The following TENM3 variants were observed in gnomAD, a reference collection of about 807,000 sequenced individuals.
The protein encoded by TENM3 is teneurin-3.
A neutral mutation model predicts 255.1 loss-of-function variants in TENM3; 63 were observed. The observed-to-expected ratio is 0.25, with a 90% confidence interval of 0.20 to 0.30. TENM3 has a LOEUF of 0.30. Among genes scored for constraint, TENM3 ranks in the 10% least tolerant of loss-of-function variants. The probability of loss-of-function intolerance (pLI) is 1.00; values close to 1 mark genes in which losing one functional copy is unlikely to be tolerated. For missense variants in TENM3, 2,929 were observed against 3,461.1 expected (o/e 0.85, Z 3.86); for synonymous variants, 1,306 against 1,322.3 (o/e 0.99, Z 0.27).
intron 3 of TENM3, among the ~76,000 whole-genome samples, chr4:182,390,406 G>A (rs1203864228): frequency 6.6e-6 from 1 of 152,128 alleles, no homozygotes; most frequent in East Asian, 1.9e-4. Flanking sequence ...CCTTTTTGTT[G>A]TGGTGGTTGT....
chr4:182,676,001 G>T (rs926744545), intron 7 of TENM3, among the ~76,000 whole-genome samples: 1 of 152,148 alleles, frequency 6.6e-6, no homozygotes, highest in Non-Finnish European at 1.5e-5. Context: ...GTTTCTTCCT[G>T]TGGTTTATTC....
the TENM3 span, among the ~76,000 whole-genome samples, chr4:182,026,116 T>C: frequency 4.8e-3 from 724 of 152,296 alleles, 3 homozygotes; most frequent in Non-Finnish European, 7.2e-3. Context: ...GAGAATGTGG[T>C]TTCCAGCTTC....
chr4:182,072,157 C>T, the TENM3 span, among the ~76,000 whole-genome samples: 2 of 152,220 alleles, frequency 1.3e-5, no homozygotes, highest in African/African-American at 4.8e-5. Flanking sequence ...TACTGCTTAA[C>T]TGCCTTGTGG....
intron 3 of TENM3, among the ~76,000 whole-genome samples, chr4:182,418,459 G>A (rs561038714): frequency 3.3e-5 from 5 of 152,158 alleles, no homozygotes; most frequent in African/African-American, 9.7e-5. Context: ...ATGATTGTTG[G>A]GGGGTGGGGT....
chr4:182,647,161 A>G (rs1270231640), intron 5 of TENM3, among the ~76,000 whole-genome samples: 1 of 152,150 alleles, frequency 6.6e-6, no homozygotes, highest in Admixed American at 6.5e-5. Flanking sequence ...TCACAGTCCC[A>G]TTTCTTCATC....
chr4:182,245,801 T>C lies in TENM3; in HGVS notation c.-76+2325T>C, dbSNP rs184267392. On this transcript the variant is annotated intron_variant, in intron 1 of 27. Transcript: ENST00000511685. ...TGCAACTTGCTTTAGGACTCTGAGC[T>C]GGTTTCTTAACTTTTCCGTTGATGA... 4.1e-4 allele frequency among the ~76,000 whole-genome samples: 62 copies of C among 152,354 alleles called. 1 individual carries two copies. The East Asian group carries it at 6.0e-3, about 15-fold the overall frequency.
the TENM3 span, among the ~76,000 whole-genome samples, chr4:181,801,302 A>AG: frequency 6.6e-6 from 1 of 152,234 alleles, no homozygotes; most frequent in East Asian, 1.9e-4. Context: ...ATGAACAGTG[A>AG]CAGGTTCTGC....
At chr4:182,494,654 T>C (rs910658496) in intron 3 of TENM3, among the ~76,000 whole-genome samples, 1 of 152,154 alleles carries the variant, frequency 6.6e-6, no homozygotes, top group Non-Finnish European at 1.5e-5. Context: ...CTTGAAATAA[T>C]TTTGTCAAAA....
chr4:181,661,059 T>C, the TENM3 span, among the ~76,000 whole-genome samples: 4 of 152,154 alleles, frequency 2.6e-5, no homozygotes, highest in Non-Finnish European at 4.4e-5. Context: ...AACGTAAGTA[T>C]GTAAATGGAA....
chr4:182,303,389 C>T (rs2150378923), intron 1 of TENM3, among the ~76,000 whole-genome samples: 1 of 152,242 alleles, frequency 6.6e-6, no homozygotes, highest in South Asian at 2.1e-4. Flanking sequence ...ACCAAAGTCC[C>T]ACTGAACCAT....
the TENM3 span, among the ~76,000 whole-genome samples, chr4:181,968,988 C>CTA: frequency 2.5e-3 from 269 of 107,664 alleles, 3 homozygotes; most frequent in African/African-American, 8.4e-3. Flanking sequence ...CTCTCTCTCT[C>CTA]TCTCTATATA....
the TENM3 span, among the ~76,000 whole-genome samples, chr4:181,449,344 T>C: frequency 1.3e-5 from 2 of 152,216 alleles, no homozygotes; most frequent in African/African-American, 4.8e-5. Flanking sequence ...ATGTGGCTCC[T>C]GTCTGTCAAT....
chr4:181,485,117 G>A, the TENM3 span, among the ~76,000 whole-genome samples: 1 of 152,096 alleles, frequency 6.6e-6, no homozygotes, highest in South Asian at 2.1e-4. Flanking sequence ...TTTTCTGAGT[G>A]AGAATTTAAA....
the TENM3 span, among the ~76,000 whole-genome samples, chr4:181,839,050 G>A: frequency 6.9e-3 from 1,048 of 151,096 alleles, 7 homozygotes; most frequent in Admixed American, 0.016. Flanking sequence ...TGGGTAAATC[G>A]GTAATGAAAT....
intron 1 of TENM3, among the ~76,000 whole-genome samples, chr4:182,204,548 A>G (rs1754421317): frequency 6.6e-6 from 1 of 152,074 alleles, no homozygotes; most frequent in Admixed American, 6.5e-5. Context: ...TCCAGACACT[A>G]TTTTTCAACT....
intron 3 of TENM3, among the ~76,000 whole-genome samples, chr4:182,372,196 A>G (rs972845109): frequency 6.6e-6 from 1 of 152,178 alleles, no homozygotes; most frequent in African/African-American, 2.4e-5. Context: ...GGCACAAATC[A>G]TTAGGAATAA....
At chr4:182,650,889 A>ATATATATATATATATATATATATAT (rs1554007797) in intron 5 of TENM3, among the ~76,000 whole-genome samples, 2 of 29,768 alleles carry the variant, frequency 6.7e-5, no homozygotes, top group Admixed American at 7.2e-4. Flanking sequence ...AATAAAAAAA[A>ATATATATATATATATATATATATAT]ATATATATAT....
intron 22 of TENM3, among the ~76,000 whole-genome samples, chr4:182,759,151 A>C (rs1254669567): frequency 6.6e-6 from 1 of 152,240 alleles, no homozygotes; most frequent in Non-Finnish European, 1.5e-5. Flanking sequence ...TGTACCATTA[A>C]CATGTCACAG....
At chr4:182,366,940 T>C (rs891060209) in intron 3 of TENM3, among the ~76,000 whole-genome samples, 1 of 152,162 alleles carries the variant, frequency 6.6e-6, no homozygotes, top group African/African-American at 2.4e-5. Flanking sequence ...ATTTAATCCC[T>C]ATATTACGTA....
Sources: allele counts gnomAD v4.1 joint callset (sites outside exome capture counted in the v4.1 genomes callset), GRCh38; gene constraint gnomAD v4.1.1; transcripts MANE v1.5; gene names NCBI Gene and HGNC (gene_info 2026-07-23, HGNC 2026-07-21).